Variants in INA observed in about 807,000 individuals in gnomAD.
INA encodes the protein internexin neuronal intermediate filament protein alpha, also known as alpha-internexin.
A neutral mutation model predicts 40.1 loss-of-function variants in INA; 35 were observed. The observed-to-expected ratio is 0.87, with a 90% CI of 0.67 to 1.16. INA has a LOEUF of 1.16. Ranked by LOEUF, INA falls within the 50% of genes most tolerant of loss-of-function variation. The pLI is 0.00. For missense variants in INA, 594 were observed against 686.7 expected, an observed-to-expected ratio of 0.87 and a Z score of 1.51; for synonymous variants, 290 against 316.9, an observed-to-expected ratio of 0.92 and a Z score of 0.90.
chr10:103,287,295 G>A, intron 2 of INA, 136 bp downstream of exon 2: 1 of 859,516 alleles, frequency 1.2e-6, no homozygotes, highest in East Asian at 2.7e-5. Context: ...TTTCAGGTGA[G>A]CTGACTGCTC....
Position 103,288,874 on chromosome 10 carries a change from A to C in INA, c.*205A>C. Reference sequence around the variant, plus strand: ...TAAACTGCAGTCCTGGAGCAATCACAGATGAGTTATCTAAGAATACAGCTT... The same window carrying C: ...TAAACTGCAGTCCTGGAGCAATCACCGATGAGTTATCTAAGAATACAGCTT... On this transcript the variant is annotated 3_prime_UTR_variant, in exon 3 of 3. Coordinates refer to ENST00000369849, the MANE Select transcript of INA (RefSeq NM_032727.4). 4.8e-6 allele frequency: 2 copies of C among 412,680 alleles called. No individual in the cohort carries two copies. The allele number at this position is 412,680 out of a possible 1,614,324, so 25.6% of individuals were successfully genotyped here.
In INA at chr10:103,277,171, G is replaced by T. The variant is rs752807908; in HGVS notation, c.-41G>T. The T allele has an allele frequency of 3.1e-5, 48 of 1,532,916 alleles. No homozygotes were observed. Among genetic ancestry groups the T allele is most frequent in the Non-Finnish European group, 3.7e-5 (42 of 1,146,164 alleles). The allele number at this position is 1,532,916 out of a possible 1,614,324, so 95.0% of individuals were successfully genotyped here. On this transcript the variant is annotated 5_prime_UTR_variant, in exon 1 of 3. Coordinates refer to ENST00000369849, the MANE Select transcript of INA (RefSeq NM_032727.4). The surrounding 1 kb of genome is among the most constrained non-coding windows in gnomAD (Gnocchi z 5.6). ...TGCCGCACCTCTCCTTTCTTCTGTA[G>T]CTCGCGTTGAAGCCGCACGTCCGGC...
At position 103,278,725 on chromosome 10, in the gene INA, G is replaced by A. The variant is rs1185946604; in HGVS notation, c.1065+449G>A. 6.6e-6 allele frequency among the ~76,000 whole-genome samples: 1 copy of A among 152,148 alleles called. No individual in the cohort carries two copies. Among genetic ancestry groups the A allele is most frequent in the Non-Finnish European group, 1.5e-5 (1 of 68,032 alleles). ...ATTTATGGAGTATGGTCTGCTTCAG[G>A]GCTGAAGGAAGAATGCGATCCTGAA... On this transcript the variant is annotated intron_variant, in intron 1 of 2. Coordinates refer to ENST00000369849, the MANE Select transcript of INA (RefSeq NM_032727.4). The surrounding 1 kb of genome is among the most constrained non-coding windows in gnomAD (Gnocchi z 4.9).
In INA at chr10:103,289,315, T is replaced by A. The variant is rs2133539918; in HGVS notation, c.*646T>A. On this transcript the variant is annotated 3_prime_UTR_variant, in exon 3 of 3. Coordinates refer to ENST00000369849, the MANE Select transcript of INA (RefSeq NM_032727.4). ...CTCAGTGGGTAAAATTAGATGCATG[T>A]TGACCATGTCTATGATTCGTGTAAT... 6.5e-6 allele frequency: 1 copy of A among 152,790 alleles called. No homozygotes were observed. Among genetic ancestry groups the A allele is most frequent in the South Asian group, 2.1e-4 (1 of 4,826 alleles). 9.5% of individuals were successfully genotyped at this position (152,790 alleles called of 1,614,324 possible). A position where few individuals can be genotyped will look rare whatever the true frequency, so the allele number is the denominator to read the frequency against.
chr10:103,288,762 A>T lies in INA; in HGVS notation c.*93A>T. Reference sequence around the variant, plus strand: ...TTCCTGAACTATAACACCTGCCACCACTATAAAATGTCTTCAAGGCTTCAG... The same window carrying T: ...TTCCTGAACTATAACACCTGCCACCTCTATAAAATGTCTTCAAGGCTTCAG... On this transcript the variant is annotated 3_prime_UTR_variant, in exon 3 of 3. Transcript: ENST00000369849. The T allele has an allele frequency of 2.6e-6, 2 of 770,562 alleles. No individual in the cohort carries two copies. The allele number at this position is 770,562 out of a possible 1,614,324, so 47.7% of individuals were successfully genotyped here.
rs1479033890 is a variant in INA, at chr10:103,277,469, G to A, written c.258G>A (p.Glu86=). 5.0e-6 allele frequency: 8 copies of A among 1,588,180 alleles called. No homozygotes were observed. Among genetic ancestry groups the A allele is most frequent in the Non-Finnish European group, 6.8e-6 (8 of 1,170,670 alleles). ...DLSQAAARTN[E]YKIIRTNEKE... ...GCCAGGCGGCGGCGCGCACCAACGA[G>A]TACAAGATCATCCGCACCAACGAGA... Residue 86 remains glutamate (E), a synonymous_variant, in exon 1 of 3, where the codon GAG becomes GAA. Transcript: ENST00000369849. The surrounding 1 kb of genome is among the most constrained non-coding windows in gnomAD (Gnocchi z 5.6).
Position 103,278,723 on chromosome 10 carries a change from A to G in INA, c.1065+447A>G, listed in dbSNP as rs771123015. On this transcript the variant is annotated intron_variant, in intron 1 of 2. Transcript: ENST00000369849. The surrounding 1 kb of genome is among the most constrained non-coding windows in gnomAD (Gnocchi z 4.9). ...TTATTTATGGAGTATGGTCTGCTTC[A>G]GGGCTGAAGGAAGAATGCGATCCTG... Among the ~76,000 whole-genome samples the G allele has an allele frequency of 6.6e-6, 1 of 152,204 alleles. No individual in the cohort carries two copies. The highest frequency in any genetic ancestry group is 1.5e-5 in the Non-Finnish European group (1 of 68,044).
chr10:103,283,528 T>C (rs2093077250), intron 1 of INA, among the ~76,000 whole-genome samples: 1 of 152,214 alleles, frequency 6.6e-6, no homozygotes, highest in South Asian at 2.1e-4. Context: ...CATCAGTCAA[T>C]TGAGACTCCT....
In INA at chr10:103,288,920, T is replaced by C. The variant is rs1408827096; in HGVS notation, c.*251T>C. 3 of 289,406 alleles carry C rather than the reference T, an allele frequency of 1.0e-5. No individual in the cohort carries two copies. The highest frequency in any genetic ancestry group is 6.6e-5 in the African/African-American group (3 of 45,356). 17.9% of individuals were successfully genotyped at this position (289,406 alleles called of 1,614,324 possible). A position where few individuals can be genotyped will look rare whatever the true frequency, so the allele number is the denominator to read the frequency against. On this transcript the variant is annotated 3_prime_UTR_variant, in exon 3 of 3. Coordinates refer to ENST00000369849, the MANE Select transcript of INA (RefSeq NM_032727.4). ...AGCTTTCTGACCTTCAGCTCACGCT[T>C]CACAGTGATCGATGATTCAGGTGCA...
rs2093062863 is a variant in INA, at chr10:103,277,675, A to G, written c.464A>G (p.Glu155Gly). Residue 155 changes from glutamate (E) to glycine (G), a missense_variant, in exon 1 of 3, where the codon GAG (glutamate) becomes GGG (glycine). Glu to Gly is a moderately conservative substitution (Grantham distance 98, BLOSUM62 -2). Around this residue, in one of 2 missense-constraint regions of INA, gnomAD observed 379 missense variants for 496.1 expected, o/e 0.76. Coordinates refer to ENST00000369849, the MANE Select transcript of INA (RefSeq NM_032727.4). This position sits in a 1 kb window ranked among gnomAD's most constrained non-coding sequence, Gnocchi z 5.6. The stretch of plus-strand genomic sequence containing the variant: ...CTGCGCGACCTGCGCGCGCAGCTGG[A>G]GGAGGCCAGCTCGGCTCGCTCGCAG... ...RELRDLRAQL[E>G]EASSARSQAL... is the part of the protein sequence containing the mutation. 3 of 1,381,612 alleles carry G rather than the reference A, an allele frequency of 2.2e-6. No homozygotes were observed. The highest frequency in any genetic ancestry group is 2.8e-6 in the Non-Finnish European group (3 of 1,077,168). The allele number at this position is 1,381,612 out of a possible 1,614,324, so 85.6% of individuals were successfully genotyped here. A position where few individuals can be genotyped will look rare whatever the true frequency, so the allele number is the denominator to read the frequency against.
intron 1 of INA, among the ~76,000 whole-genome samples, chr10:103,279,280 A>AT (rs1019940516): frequency 5.3e-5 from 8 of 151,986 alleles, no homozygotes; most frequent in African/African-American, 1.9e-4. Flanking sequence ...TTTTGTTAGT[A>AT]TTTTTTTCAT....
chr10:103,287,942 G>A (rs1281705262), intron 2 of INA, among the ~76,000 whole-genome samples: 1 of 152,128 alleles, frequency 6.6e-6, no homozygotes, highest in Non-Finnish European at 1.5e-5. Context: ...TCCAGGTTGA[G>A]TAAGACAGTT....
At chr10:103,284,851 A>C (rs2093081684) in intron 1 of INA, among the ~76,000 whole-genome samples, 1 of 152,184 alleles carries the variant, frequency 6.6e-6, no homozygotes, top group South Asian at 2.1e-4. Flanking sequence ...AATTTGCACA[A>C]GGTTCCTGCA....
Position 103,277,352 on chromosome 10 carries a change from T to A in INA, c.141T>A (p.Asn47Lys). ...GCTCGCAGTCGCTGTCCCGCAGCAATGTGGCCTCCTCGGCCGCCTGCTCCT... is the reference window on the plus strand; with the variant it reads ...GCTCGCAGTCGCTGTCCCGCAGCAAAGTGGCCTCCTCGGCCGCCTGCTCCT... Reference protein sequence around the residue: ...GFRSQSLSRSNVASSAACSSA... With the variant: ...GFRSQSLSRSKVASSAACSSA... Residue 47 changes from asparagine to lysine, a missense_variant, in exon 1 of 3, where the codon AAT (asparagine) becomes AAA (lysine). By Grantham distance (94) the Asn-to-Lys change is moderately conservative. Transcript: ENST00000369849. The surrounding 1 kb of genome is among the most constrained non-coding windows in gnomAD (Gnocchi z 5.6). 6.3e-7 allele frequency: 1 copy of A among 1,577,522 alleles called. No individual in the cohort carries two copies. The highest frequency in any genetic ancestry group is 1.8e-4 in the Middle Eastern group (1 of 5,644).
At position 103,289,691 on chromosome 10, in the gene INA, T is replaced by C. The variant is rs1282896010; in HGVS notation, c.*1022T>C. The C allele has an allele frequency of 6.6e-6, 1 of 152,258 alleles. No homozygotes were observed. Among genetic ancestry groups the C allele is most frequent in the Admixed American group, 6.6e-5 (1 of 15,264 alleles). 9.4% of individuals were successfully genotyped at this position (152,258 alleles called of 1,614,324 possible). A position where few individuals can be genotyped will look rare whatever the true frequency, so the allele number is the denominator to read the frequency against. The stretch of plus-strand genomic sequence containing the variant: ...ATTAGCTTTTTCATCCCCTTACCCT[T>C]AGAATCCACGTATTCCCCTTCCCAC... On this transcript the variant is annotated 3_prime_UTR_variant, in exon 3 of 3. Transcript: ENST00000369849.
chr10:103,281,514 G>A (rs538739434), intron 1 of INA, among the ~76,000 whole-genome samples: 29 of 152,228 alleles, frequency 1.9e-4, no homozygotes, highest in African/African-American at 5.8e-4. Context: ...AGTAGTTTAC[G>A]GAGATACGTA....
At chr10:103,280,641 A>G (rs1477467455) in intron 1 of INA, 2 of 985,466 alleles carry the variant, frequency 2.0e-6, no homozygotes, top group Non-Finnish European at 2.4e-6. Context: ...CTGATAGCCT[A>G]TTTAAGGAGA....
At position 103,278,141 on chromosome 10, in the gene INA, G is replaced by A; in HGVS notation, c.930G>A (p.Glu310=). The change falls in exon 1 of 3, where the codon GAG becomes GAA. Residue 310 remains glutamate (E), a synonymous_variant. Coordinates refer to ENST00000369849, the MANE Select transcript of INA (RefSeq NM_032727.4). This position sits in a 1 kb window ranked among gnomAD's most constrained non-coding sequence, Gnocchi z 4.9. ...CCGAGGCCATCCGGGCCAGCCGCGA[G>A]GAGATCCACGAGTATCGGCGCCAGC... is the stretch of plus-strand genomic sequence containing the variant. ...RSTEAIRASR[E]EIHEYRRQLQ... 2 of 1,613,154 alleles carry A rather than the reference G, an allele frequency of 1.2e-6. No homozygotes were observed. Among genetic ancestry groups the A allele is most frequent in the Non-Finnish European group, 1.7e-6 (2 of 1,179,886 alleles).
At position 103,277,374 on chromosome 10, in the gene INA, T is replaced by C; in HGVS notation, c.163T>C (p.Ser55Pro). ...RSNVASSAAC[S>P]SASSLGLGLA... Reference sequence around the variant, plus strand: ...CAATGTGGCCTCCTCGGCCGCCTGCTCCTCGGCCTCGTCGCTCGGCCTCGG... The same window carrying C: ...CAATGTGGCCTCCTCGGCCGCCTGCCCCTCGGCCTCGTCGCTCGGCCTCGG... The change falls in exon 1 of 3, where the codon TCC becomes CCC. Residue 55 changes from serine to proline, a missense_variant. Around this residue, in one of 2 missense-constraint regions of INA, gnomAD observed 215 missense variants for 190.6 expected, o/e 1.13. Transcript: ENST00000369849. The surrounding 1 kb of genome is among the most constrained non-coding windows in gnomAD (Gnocchi z 5.6). The C allele has an allele frequency of 1.3e-6, 2 of 1,562,730 alleles. No individual in the cohort carries two copies. Among genetic ancestry groups the C allele is most frequent in the Non-Finnish European group, 1.7e-6 (2 of 1,161,558 alleles).
Sources: gnomAD v4.1 joint callset for allele counts (sites outside exome capture counted in the v4.1 genomes callset) on GRCh38, gnomAD v4.1.1 for gene constraint, gnomAD v4.1.1 regional missense constraint, Gnocchi (gnomAD v3.1) non-coding constraint, MANE v1.5 for transcripts, NCBI Gene and HGNC (gene_info 2026-07-23, HGNC 2026-07-21) for gene names.